The following PPP1R16B variants were observed in gnomAD, a reference collection of about 807,000 sequenced individuals.
The protein encoded by PPP1R16B is protein phosphatase 1 regulatory inhibitor subunit 16B.
A neutral mutation model predicts 61.7 loss-of-function variants in PPP1R16B; 14 were observed. That is an observed-to-expected ratio of 0.23 (90% confidence interval 0.15 to 0.35). PPP1R16B has a LOEUF of 0.35. Ranked by LOEUF, PPP1R16B falls within the 10% of genes least tolerant of loss-of-function variation. The pLI is 1.00. For missense variants in PPP1R16B, 547 were observed against 752.5 expected (o/e 0.73, Z 3.19); for synonymous variants, 266 against 305.3 (o/e 0.87, Z 1.34).
intron 2 of PPP1R16B, among the ~76,000 whole-genome samples, chr20:38,843,650 C>A (rs1356698987): frequency 6.6e-6 from 1 of 152,124 alleles, no homozygotes; most frequent in African/African-American, 2.4e-5. Flanking sequence ...TAGGTCCAGC[C>A]CACACTCAAG....
chr20:38,839,813 T>C (rs955476286), intron 2 of PPP1R16B, among the ~76,000 whole-genome samples: 1 of 152,248 alleles, frequency 6.6e-6, no homozygotes. Flanking sequence ...ACCAGAATTT[T>C]CTAACTAGCT....
intron 4 of PPP1R16B, among the ~76,000 whole-genome samples, chr20:38,899,742 A>G (rs1239818395): frequency 6.6e-6 from 1 of 151,870 alleles, no homozygotes; most frequent in Non-Finnish European, 1.5e-5. Context: ...TTGAGTCTGG[A>G]CTCTACTGTA....
intron 2 of PPP1R16B, among the ~76,000 whole-genome samples, chr20:38,865,607 T>A (rs2085085410): frequency 6.6e-6 from 1 of 152,190 alleles, no homozygotes; most frequent in Non-Finnish European, 1.5e-5. Flanking sequence ...ATTCTTTAGA[T>A]GCGTCACCTG....
intron 2 of PPP1R16B, among the ~76,000 whole-genome samples, chr20:38,877,760 A>G (rs1438044193): frequency 2.0e-5 from 3 of 152,076 alleles, no homozygotes; most frequent in Non-Finnish European, 4.4e-5. Flanking sequence ...TTTCATTTTG[A>G]AGTATCTCAT....
At chr20:38,879,967 A>G (rs1050366556) in intron 2 of PPP1R16B, among the ~76,000 whole-genome samples, 3 of 152,226 alleles carry the variant, frequency 2.0e-5, no homozygotes, top group Non-Finnish European at 4.4e-5. Context: ...TCTGTGGCCC[A>G]GCCTGGGAAT....
chr20:38,907,167 G>A lies in PPP1R16B; in HGVS notation c.898+113G>A. 2.5e-6 allele frequency: 2 copies of A among 811,018 alleles called. No homozygotes were observed. Among genetic ancestry groups the A allele is most frequent in the East Asian group, 5.0e-5 (2 of 39,690 alleles). The allele number at this position is 811,018 out of a possible 1,614,324, so 50.2% of individuals were successfully genotyped here. ...GTATAGATTGATGGATTGGTGTCTA[G>A]ATAGATAGATGGATTAATTAATGGA... On this transcript the variant is annotated intron_variant, in intron 8 of 10. Transcript: ENST00000299824. The surrounding 1 kb of genome is among the most constrained non-coding windows in gnomAD (Gnocchi z 4.5).
At chr20:38,847,805 T>A (rs1252353518) in intron 2 of PPP1R16B, among the ~76,000 whole-genome samples, 1 of 152,254 alleles carries the variant, frequency 6.6e-6, no homozygotes, top group Admixed American at 6.5e-5. Context: ...TGTTGTCATG[T>A]ATGGTTCATA....
intron 1 of PPP1R16B, among the ~76,000 whole-genome samples, chr20:38,811,181 A>T (rs181134105): frequency 8.5e-4 from 130 of 152,240 alleles, no homozygotes; most frequent in African/African-American, 3.1e-3. Flanking sequence ...GCTGAGCCCC[A>T]CGGTGGCCCC....
At chr20:38,857,585 T>C (rs2085016924) in intron 2 of PPP1R16B, among the ~76,000 whole-genome samples, 1 of 152,206 alleles carries the variant, frequency 6.6e-6, no homozygotes, top group Non-Finnish European at 1.5e-5. Context: ...TTTATATAGA[T>C]AGATCGGTAG....
chr20:38,811,007 G>A (rs886726014), intron 1 of PPP1R16B, among the ~76,000 whole-genome samples: 15 of 152,156 alleles, frequency 9.9e-5, no homozygotes, highest in African/African-American at 2.9e-4. Context: ...GGTCACAGTG[G>A]GGTGTGCTCT....
At position 38,918,063 on chromosome 20, in the gene PPP1R16B, A is replaced by G. The variant is rs1484587821; in HGVS notation, c.1195-94A>G. 2.7e-6 allele frequency: 4 copies of G among 1,489,728 alleles called. No homozygotes were observed. In the African/African-American group the frequency reaches 5.6e-5, roughly 21 times the overall value. 92.3% of individuals were successfully genotyped at this position (1,489,728 alleles called of 1,614,324 possible). On this transcript the variant is annotated intron_variant, in intron 10 of 10. Transcript: ENST00000299824. The surrounding 1 kb of genome is among the most constrained non-coding windows in gnomAD (Gnocchi z 5.3). ...CCAGGGAGAGAAAACAGATAGAGGA[A>G]AAGTCCAAACAATAATGCCCTCAGC...
chr20:38,887,022 T>C (rs1256620147), intron 2 of PPP1R16B, among the ~76,000 whole-genome samples: 1 of 152,108 alleles, frequency 6.6e-6, no homozygotes, highest in African/African-American at 2.4e-5. Flanking sequence ...GAGTTTAAGC[T>C]GAGACCTAAA....
chr20:38,902,839 G>A, intron 6 of PPP1R16B, 47 bp downstream of exon 6: 3 of 1,612,540 alleles, frequency 1.9e-6, no homozygotes, highest in East Asian at 4.5e-5. Flanking sequence ...TAGGTCCGAA[G>A]TGGGCCAGCA....
At chr20:38,864,438 TC>T (rs1258700023) in intron 2 of PPP1R16B, among the ~76,000 whole-genome samples, 2 of 152,168 alleles carry the variant, frequency 1.3e-5, no homozygotes, top group Non-Finnish European at 2.9e-5. Context: ...TTAAATTGCT[TC>T]CTAAATATTC....
At chr20:38,827,653 G>A (rs2084812843) in intron 1 of PPP1R16B, among the ~76,000 whole-genome samples, 3 of 152,230 alleles carry the variant, frequency 2.0e-5, no homozygotes, top group African/African-American at 4.8e-5. Flanking sequence ...GTTCATCCTA[G>A]CAGGAGTAGG....
chr20:38,912,485 C>T (rs1431796985), intron 10 of PPP1R16B, among the ~76,000 whole-genome samples: 2 of 141,430 alleles, frequency 1.4e-5, no homozygotes, highest in Non-Finnish European at 3.0e-5. Context: ...ATGGCAAGAC[C>T]GTATCTCTAC....
chr20:38,821,155 G>A (rs1471560330), intron 1 of PPP1R16B, among the ~76,000 whole-genome samples: 1 of 152,086 alleles, frequency 6.6e-6, no homozygotes, highest in Admixed American at 6.5e-5. Context: ...GTTTGAGAAC[G>A]TCTTTCCTAA....
intron 2 of PPP1R16B, among the ~76,000 whole-genome samples, chr20:38,863,187 C>T: frequency 6.6e-6 from 1 of 152,178 alleles, no homozygotes; most frequent in Non-Finnish European, 1.5e-5. Flanking sequence ...TGCTTACAAA[C>T]CACAGCACAA....
intron 2 of PPP1R16B, among the ~76,000 whole-genome samples, chr20:38,863,685 G>T (rs2145738983): frequency 6.6e-6 from 1 of 152,348 alleles, no homozygotes; most frequent in African/African-American, 2.4e-5. Flanking sequence ...AGAATTAAAT[G>T]AACCTGTGGA....
Sources: gnomAD v4.1 joint callset for allele counts (sites outside exome capture counted in the v4.1 genomes callset) on GRCh38, gnomAD v4.1.1 for gene constraint, Gnocchi (gnomAD v3.1) non-coding constraint, MANE v1.5 for transcripts, NCBI Gene and HGNC (gene_info 2026-07-23, HGNC 2026-07-21) for gene names.